The following ZNF8 variants were observed in gnomAD, a reference collection of about 807,000 sequenced individuals.
ZNF8 encodes zinc finger protein 8.
ZNF8 carries 9 observed loss-of-function variants against 12.2 expected under a neutral mutation model. The observed-to-expected ratio is 0.73, with a 90% CI of 0.44 to 1.28. The LOEUF is 1.28. ZNF8 is among the 50% of genes most tolerant of loss of function. The pLI is 0.00. For synonymous variants in ZNF8, 274 were observed against 282.3 expected (o/e 0.97, Z 0.30); for missense variants, 664 against 729.1 (o/e 0.91, Z 1.03).
In ZNF8 at chr19:58,288,816, C is replaced by T. The variant is rs998332646; in HGVS notation, c.289+2611C>T. On this transcript the variant is annotated intron_variant, in intron 3 of 3. Coordinates refer to ENST00000621650, the MANE Select transcript of ZNF8 (RefSeq NM_021089.3). ...AGCGTATGACCTATCAACTGGGAGT[C>T]GGGTGAATCTGCTGCAGACCCTGTT... Among the ~76,000 whole-genome samples, 5 of 152,166 alleles carry T rather than the reference C, an allele frequency of 3.3e-5. No homozygotes were observed. The South Asian group carries it at 6.2e-4, about 19-fold the overall frequency.
In ZNF8 at chr19:58,295,574, A is replaced by G; in HGVS notation, c.*38A>G. ...GCTGATGACTTTTAACCACAAGTAA[A>G]AAATGTGGTAAGTCCACATAGTGTA... On this transcript the variant is annotated 3_prime_UTR_variant, in exon 4 of 4. Transcript: ENST00000621650. The G allele has an allele frequency of 6.6e-7, 1 of 1,503,776 alleles. No homozygotes were observed. The highest frequency in any genetic ancestry group is 1.3e-5 in the South Asian group (1 of 79,046). 93.2% of individuals were successfully genotyped at this position (1,503,776 alleles called of 1,614,324 possible).
At position 58,295,336 on chromosome 19, in the gene ZNF8, TCA is replaced by T; in HGVS notation, c.1532_1533del (p.His511ProfsTer31). The stretch of plus-strand genomic sequence containing the variant: ...GCGTGAACAATCCTCGAGCAGGAAC[TCA>T]CACCTGGTTCAGCATCAACACCCGA... ...RRREQSSSRN[S>X]HLVQHQHPNS... On this transcript the variant is annotated frameshift_variant, in exon 4 of 4. Transcript: ENST00000621650. LOFTEE classifies it low-confidence loss of function (END_TRUNC). 6.2e-7 allele frequency: 1 copy of T among 1,614,218 alleles called. No individual in the cohort carries two copies. The highest frequency in any genetic ancestry group is 8.5e-7 in the Non-Finnish European group (1 of 1,180,026).
chr19:58,279,089 C>T lies in ZNF8; in HGVS notation c.8C>T (p.Pro3Leu). 2 of 1,523,868 alleles carry T rather than the reference C, an allele frequency of 1.3e-6. No homozygotes were observed. Among genetic ancestry groups the T allele is most frequent in the Non-Finnish European group, 8.9e-7 (1 of 1,129,886 alleles). 94.4% of individuals were successfully genotyped at this position (1,523,868 alleles called of 1,614,324 possible). MD[P>L]EDEGVAGVMS... The stretch of plus-strand genomic sequence containing the variant: ...TTCACTGGGCGATCCAGCATGGACC[C>T]CGAGGACGAAGGGGTAGCGGGAGTG... The change falls in exon 1 of 4, where the codon CCC (proline) becomes CTC (leucine). Residue 3 changes from proline (P) to leucine (L), a missense_variant. By Grantham distance (98) the Pro-to-Leu change is moderately conservative. This residue lies in a region of ZNF8 where 306 missense variants were observed against 308.7 expected (regional missense o/e 0.99). Transcript: ENST00000621650.
Position 58,295,414 on chromosome 19 carries a change from A to G in ZNF8, c.1606A>G (p.Arg536Gly), listed in dbSNP as rs2051448124. ...AGCAAAGGCAGGGCAGCCGGAAAGC[A>G]GAGCCCTGGCTTTGTTTGACATCCA... ...GGAKAGQPESRALALFDIQKI... is the reference protein window; with the variant it reads ...GGAKAGQPESGALALFDIQKI... The change falls in exon 4 of 4, where the codon AGA (arginine) becomes GGA (glycine). Residue 536 changes from arginine (R) to glycine (G), a missense_variant. Arg to Gly is a moderately radical substitution (Grantham distance 125). Transcript: ENST00000621650. The G allele has an allele frequency of 1.2e-6, 2 of 1,614,158 alleles. No homozygotes were observed. Among genetic ancestry groups the G allele is most frequent in the East Asian group, 4.5e-5 (2 of 44,888 alleles).
In ZNF8 at chr19:58,297,284, G is replaced by C. The variant is rs1355782055; in HGVS notation, c.*1748G>C. The C allele has an allele frequency of 6.6e-6, 1 of 152,116 alleles. No homozygotes were observed. The highest frequency in any genetic ancestry group is 1.5e-5 in the Non-Finnish European group (1 of 68,032). The allele number at this position is 152,116 out of a possible 1,614,324, so 9.4% of individuals were successfully genotyped here. On this transcript the variant is annotated 3_prime_UTR_variant, in exon 4 of 4. Transcript: ENST00000621650. ...CCTTCAAATTGATTAATCAGGGCTGGACTAGACTAGAAATCATATAAGCTT... is the reference window on the plus strand; with the variant it reads ...CCTTCAAATTGATTAATCAGGGCTGCACTAGACTAGAAATCATATAAGCTT...
At chr19:58,286,637 C>T (rs1298113366) in intron 3 of ZNF8, 20 of 160,978 alleles carry the variant, frequency 1.2e-4, no homozygotes, top group Admixed American at 1.1e-3. Flanking sequence ...TTGGAATAAA[C>T]CACATAGTGT....
intron 3 of ZNF8, among the ~76,000 whole-genome samples, chr19:58,293,302 C>G (rs980151062): frequency 6.6e-6 from 1 of 152,186 alleles, no homozygotes; most frequent in African/African-American, 2.4e-5. Flanking sequence ...CCAGCCTCAG[C>G]TCCTCCATTA....
Position 58,294,228 on chromosome 19 carries a change from C to G in ZNF8, c.420C>G (p.Asp140Glu), listed in dbSNP as rs1303675097. The change falls in exon 4 of 4, where the codon GAC (aspartate) becomes GAG (glutamate). Residue 140 changes from aspartate to glutamate, a missense_variant. By Grantham distance (45) the Asp-to-Glu change is conservative (BLOSUM62 2). Around this residue, in one of 3 missense-constraint regions of ZNF8, gnomAD observed 306 missense variants for 308.7 expected, o/e 0.99. Transcript: ENST00000621650. This position sits in a 1 kb window ranked among gnomAD's most constrained non-coding sequence, Gnocchi z 5.5. ...DAPYPTTLGKDRECQSQSLAL... is the reference protein window; with the variant it reads ...DAPYPTTLGKERECQSQSLAL... ...CTTATCCCACCACGTTAGGGAAAGA[C>G]AGGGAGTGTCAGAGCCAGAGTCTGG... 8 of 1,614,038 alleles carry G rather than the reference C, an allele frequency of 5.0e-6. No individual in the cohort carries two copies. The highest frequency in any genetic ancestry group is 6.8e-6 in the Non-Finnish European group (8 of 1,180,038).
In ZNF8 at chr19:58,294,969, C is replaced by T. The variant is rs745856101; in HGVS notation, c.1161C>T (p.His387=). 6 of 1,614,012 alleles carry T rather than the reference C, an allele frequency of 3.7e-6. No homozygotes were observed. In the Admixed American group the frequency reaches 5.0e-5, roughly 13 times the overall value. The change falls in exon 4 of 4, where the codon CAC becomes CAT. Residue 387 remains histidine, a synonymous_variant. Transcript: ENST00000621650. This position sits in a 1 kb window ranked among gnomAD's most constrained non-coding sequence, Gnocchi z 5.5. ...CTCGGACCACTTGCCTTTTCCTGCA[C>T]CTGAGAACTCACACCGAGGAGAGGC... ...SFSRTTCLFL[H]LRTHTEERPY... is the part of the protein sequence containing the mutation.
intron 1 of ZNF8, 126 bp from the exon 2 acceptor site, chr19:58,285,591 C>T: frequency 1.5e-6 from 2 of 1,369,744 alleles, no homozygotes; most frequent in South Asian, 1.2e-5. Flanking sequence ...GACCTGACTC[C>T]CATCATTCAT....
In ZNF8 at chr19:58,293,414, C is replaced by G. The variant is rs533848058; in HGVS notation, c.290-684C>G. On this transcript the variant is annotated intron_variant, in intron 3 of 3. Transcript: ENST00000621650. ...GCTTCTACTACTTGTCATTTCTAGG[C>G]ACTGGCTGTGAACATTCTAGTGCGG... Among the ~76,000 whole-genome samples, 5 of 152,358 alleles carry G rather than the reference C, an allele frequency of 3.3e-5. No individual in the cohort carries two copies. The South Asian group carries it at 6.2e-4, about 19-fold the overall frequency.
chr19:58,289,900 C>T (rs879726976), intron 3 of ZNF8, among the ~76,000 whole-genome samples: 21 of 151,444 alleles, frequency 1.4e-4, no homozygotes, highest in Non-Finnish European at 2.7e-4. Flanking sequence ...CAGGTTCAAG[C>T]GATCCTCCTG....
Position 58,287,150 on chromosome 19 carries a change from C to T in ZNF8, c.289+945C>T, listed in dbSNP as rs191452780. ...GACCTCCCTAGTTCAAATGATCCTC[C>T]CACCTCACCCTCCCGAGTAGCTGGG... On this transcript the variant is annotated intron_variant, in intron 3 of 3. Coordinates refer to ENST00000621650, the MANE Select transcript of ZNF8 (RefSeq NM_021089.3). 3.9e-5 allele frequency among the ~76,000 whole-genome samples: 6 copies of T among 152,210 alleles called. No homozygotes were observed. The East Asian group carries it at 1.2e-3, about 29-fold the overall frequency.
intron 1 of ZNF8, chr19:58,280,125 C>T (rs1441757766): frequency 6.3e-6 from 2 of 315,914 alleles, no homozygotes; most frequent in African/African-American, 4.5e-5. Context: ...AACTTCGTGA[C>T]CTGGAACAAC....
chr19:58,296,914 C>G lies in ZNF8; in HGVS notation c.*1378C>G, dbSNP rs916460841. ...TGGAGAAGCCACCTGGGTATAAACCCAGCCCAGAAATGTAGCTGACATTTT... is the reference window on the plus strand; with the variant it reads ...TGGAGAAGCCACCTGGGTATAAACCGAGCCCAGAAATGTAGCTGACATTTT... On this transcript the variant is annotated 3_prime_UTR_variant, in exon 4 of 4. Transcript: ENST00000621650. 1.3e-5 allele frequency: 2 copies of G among 152,206 alleles called. No homozygotes were observed. Among genetic ancestry groups the G allele is most frequent in the Non-Finnish European group, 2.9e-5 (2 of 68,076 alleles). The allele number at this position is 152,206 out of a possible 1,614,324, so 9.4% of individuals were successfully genotyped here.
intron 3 of ZNF8, 156 bp downstream of exon 3, chr19:58,286,361 G>A (rs2051383619): frequency 3.3e-6 from 2 of 605,514 alleles, no homozygotes; most frequent in African/African-American, 1.9e-5. Flanking sequence ...ACAGCTCTCA[G>A]TATAATGAGA....
chr19:58,283,981 A>G (rs2147954657), intron 1 of ZNF8, among the ~76,000 whole-genome samples: 1 of 152,278 alleles, frequency 6.6e-6, no homozygotes, highest in South Asian at 2.1e-4. Flanking sequence ...CTTCGTCCTT[A>G]GGAGGACAAG....
chr19:58,279,786 G>C, intron 1 of ZNF8: 1 of 1,464,432 alleles, frequency 6.8e-7, no homozygotes, highest in South Asian at 1.2e-5. Context: ...TCTAGACAAA[G>C]TGGTTGCGGC....
chr19:58,280,033 T>C, intron 1 of ZNF8: 2 of 414,008 alleles, frequency 4.8e-6, no homozygotes, highest in South Asian at 2.1e-5. Context: ...ATTTTGTTCT[T>C]GCTGTGGATG....
Sources: allele counts gnomAD v4.1 joint callset (sites outside exome capture counted in the v4.1 genomes callset), GRCh38; gene constraint gnomAD v4.1.1; regional missense constraint gnomAD v4.1.1; non-coding constraint Gnocchi (gnomAD v3.1); transcripts MANE v1.5; gene names NCBI Gene and HGNC (gene_info 2026-07-23, HGNC 2026-07-21).